Variants in ROCK1 observed in about 807,000 individuals in gnomAD.
The protein encoded by ROCK1 is Rho associated coiled-coil containing protein kinase 1.
In ROCK1, 36 loss-of-function variants were observed where a neutral mutation model predicts 196.8. The ratio of observed to expected loss-of-function variants is 0.18; its 90% CI spans 0.14 to 0.24. The LOEUF is 0.24. Ranked by LOEUF, ROCK1 falls within the 10% of genes least tolerant of loss-of-function variation. ROCK1 has a pLI of 1.00. For missense variants in ROCK1, 920 were observed against 1,562.0 expected, an observed-to-expected ratio of 0.59 and a Z score of 6.93; for synonymous variants, 443 against 515.9, an observed-to-expected ratio of 0.86 and a Z score of 1.91.
At chr18:21,038,287 T>C (rs61092428) in intron 9 of ROCK1, among the ~76,000 whole-genome samples, 1,582 of 152,270 alleles carry the variant, frequency 0.01, 32 homozygotes, top group African/African-American at 0.036. Flanking sequence ...TATTTCCTAG[T>C]ATATAATTGC....
At chr18:21,103,132 T>C (rs2036673589) in intron 1 of ROCK1, among the ~76,000 whole-genome samples, 1 of 152,128 alleles carries the variant, frequency 6.6e-6, no homozygotes, top group Non-Finnish European at 1.5e-5. Context: ...GCAAGTATAC[T>C]AGAGAAGAAA....
At chr18:21,061,983 A>G (rs1185990288) in intron 2 of ROCK1, among the ~76,000 whole-genome samples, 1 of 152,186 alleles carries the variant, frequency 6.6e-6, no homozygotes, top group Non-Finnish European at 1.5e-5. Flanking sequence ...AGAGCTGGTA[A>G]TATCAGTCTA....
chr18:21,075,951 CAAA>C (rs1286047222), intron 1 of ROCK1, among the ~76,000 whole-genome samples: 3 of 65,062 alleles, frequency 4.6e-5, no homozygotes, highest in Non-Finnish European at 6.8e-5. Context: ...GACTCTGTCT[CAAA>C]AAAAAAAAAA....
intron 2 of ROCK1, among the ~76,000 whole-genome samples, chr18:21,068,586 AT>A (rs1468410649): frequency 2.0e-5 from 3 of 152,156 alleles, no homozygotes; most frequent in African/African-American, 7.2e-5. Flanking sequence ...TTAATATTGA[AT>A]TGTACAATCC....
At chr18:21,077,181 G>A (rs1309073114) in intron 1 of ROCK1, among the ~76,000 whole-genome samples, 2 of 151,488 alleles carry the variant, frequency 1.3e-5, no homozygotes, top group Non-Finnish European at 2.9e-5. Context: ...CACCTTGTTA[G>A]CCAGGATGGT....
At chr18:20,967,227 A>AC in intron 26 of ROCK1, 151 bp from the exon 27 acceptor site, 1 of 555,088 alleles carries the variant, frequency 1.8e-6, no homozygotes, top group Non-Finnish European at 3.1e-6. Context: ...CACTACAGAA[A>AC]TGTCAAGTTC....
In ROCK1 at chr18:21,067,666, C is replaced by T. The variant is rs564451299; in HGVS notation, c.175+2866G>A. Among the ~76,000 whole-genome samples the T allele has an allele frequency of 1.9e-4, 29 of 152,240 alleles. No homozygotes were observed. In the East Asian group the frequency reaches 4.3e-3, roughly 22 times the overall value. ...CCTCCCAAAGTGCTGGGATTACAGGCGTGAGCCACCATGCCTGGCCTTCAC... is the reference window on the plus strand; with the variant it reads ...CCTCCCAAAGTGCTGGGATTACAGGTGTGAGCCACCATGCCTGGCCTTCAC... On this transcript the variant is annotated intron_variant, in intron 2 of 32. Transcript: ENST00000399799.
intron 2 of ROCK1, among the ~76,000 whole-genome samples, chr18:21,052,590 T>C (rs1463809939): frequency 1.3e-5 from 2 of 152,112 alleles, no homozygotes; most frequent in African/African-American, 4.8e-5. Flanking sequence ...CCACACAGCA[T>C]GAGGTGAGCA....
In ROCK1 at chr18:21,045,941, C is replaced by T. The variant is rs570803157; in HGVS notation, c.415-474G>A. On this transcript the variant is annotated intron_variant, in intron 4 of 32. Transcript: ENST00000399799. ...TTTTTTTTTTTTTGAGACGGAGTCT[C>T]GCTCTGTCGCCCAGGCTGGAGTGCA... Among the ~76,000 whole-genome samples, 371 of 116,348 alleles carry T rather than the reference C, an allele frequency of 3.2e-3. 2 individuals carry two copies. The South Asian group carries it at 0.042, about 13-fold the overall frequency. The allele number at this position is 116,348 out of a possible 152,430, so 76.3% of individuals were successfully genotyped here.
chr18:21,039,777 G>C (rs2036089214), intron 8 of ROCK1, among the ~76,000 whole-genome samples: 2 of 152,072 alleles, frequency 1.3e-5, no homozygotes, highest in Non-Finnish European at 2.9e-5. Flanking sequence ...CTAAAGAAAG[G>C]CTGGACATGG....
rs1278445657 is a variant in ROCK1, at chr18:21,006,483, ACT to A, written c.1751_1752del (p.Glu584ValfsTer12). 6.2e-7 allele frequency: 1 copy of A among 1,613,390 alleles called. No individual in the cohort carries two copies. The highest frequency in any genetic ancestry group is 1.3e-5 in the African/African-American group (1 of 74,842). ...TCTAAAATTCGATTTCTCTCTTGCA[ACT>A]CTCTGTTCAGGGACTCTAACTGACT... ...SISQLESLNR[E>X]LQERNRILEN... On this transcript the variant is annotated frameshift_variant, in exon 16 of 33. Transcript: ENST00000399799. LOFTEE classifies it high-confidence loss of function.
chr18:21,066,641 C>G (rs2036337242), intron 2 of ROCK1, among the ~76,000 whole-genome samples: 1 of 152,194 alleles, frequency 6.6e-6, no homozygotes, highest in Non-Finnish European at 1.5e-5. Flanking sequence ...ATTTCTAGCT[C>G]AAAGTTTTGC....
At chr18:21,007,662 G>A (rs1339998510) in intron 14 of ROCK1, among the ~76,000 whole-genome samples, 4 of 152,160 alleles carry the variant, frequency 2.6e-5, no homozygotes, top group South Asian at 2.1e-4. Flanking sequence ...AGAAATTCTG[G>A]TTTAGAAGTT....
chr18:21,068,615 T>C (rs1259406673), intron 2 of ROCK1, among the ~76,000 whole-genome samples: 1 of 152,208 alleles, frequency 6.6e-6, no homozygotes, highest in East Asian at 1.9e-4. Context: ...TTGAATATCT[T>C]GTTAGGTCTT....
chr18:20,952,682 G>A (rs1345397260), intron 32 of ROCK1, among the ~76,000 whole-genome samples: 5 of 151,600 alleles, frequency 3.3e-5, no homozygotes, highest in Admixed American at 2.0e-4. Context: ...GGCTGAGGCT[G>A]GAGAATTGCT....
At chr18:20,981,841 A>C (rs112100024) in intron 21 of ROCK1, among the ~76,000 whole-genome samples, 45 of 152,364 alleles carry the variant, frequency 3.0e-4, no homozygotes, top group African/African-American at 9.4e-4. Context: ...TCAGATTCTT[A>C]TCTCTCTGAC....
At chr18:20,981,167 G>A (rs535799363) in intron 21 of ROCK1, among the ~76,000 whole-genome samples, 3 of 152,100 alleles carry the variant, frequency 2.0e-5, no homozygotes, top group African/African-American at 7.2e-5. Context: ...GGCCGAGGCG[G>A]GCAGATCATG....
At chr18:20,965,427 A>G (rs2035364786) in intron 27 of ROCK1, among the ~76,000 whole-genome samples, 1 of 151,896 alleles carries the variant, frequency 6.6e-6, no homozygotes, top group South Asian at 2.1e-4. Context: ...ATACATACAT[A>G]CATACATACA....
chr18:21,022,513 A>T (rs2035921940), intron 11 of ROCK1, among the ~76,000 whole-genome samples: 1 of 152,140 alleles, frequency 6.6e-6, no homozygotes, highest in African/African-American at 2.4e-5. Context: ...ATTACTCTGT[A>T]GCCCTATGAT....
Sources: allele counts gnomAD v4.1 joint callset (sites outside exome capture counted in the v4.1 genomes callset), GRCh38; gene constraint gnomAD v4.1.1; transcripts MANE v1.5; gene names NCBI Gene and HGNC (gene_info 2026-07-23, HGNC 2026-07-21).